UPP2: variants seen among roughly 807,000 people sequenced by gnomAD.
The protein encoded by UPP2 is uridine phosphorylase 2.
Under a neutral mutation model 26.7 loss-of-function variants are expected in UPP2, and 23 were observed. The observed-to-expected ratio is 0.86, with a 90% CI of 0.62 to 1.22. The LOEUF (loss-of-function observed/expected upper bound fraction) is 1.22. Among genes scored for constraint, UPP2 ranks in the 50% most tolerant of loss-of-function variants. The pLI, the probability that UPP2 is intolerant of heterozygous loss-of-function variation, is 0.00. For synonymous variants in UPP2, 127 were observed against 141.3 expected, an observed-to-expected ratio of 0.90 and a Z score of 0.72; for missense variants, 387 against 396.7, an observed-to-expected ratio of 0.98 and a Z score of 0.21.
At chr2:158,042,487 C>G (rs773500724) in intron 3 of UPP2, among the ~76,000 whole-genome samples, 6 of 152,122 alleles carry the variant, frequency 3.9e-5, no homozygotes, top group African/African-American at 1.4e-4. Context: ...GGGTTGAGAA[C>G]AAACAGGATT....
At chr2:158,029,316 T>G (rs1324248090) in intron 3 of UPP2, among the ~76,000 whole-genome samples, 1 of 152,238 alleles carries the variant, frequency 6.6e-6, no homozygotes, top group African/African-American at 2.4e-5. Context: ...TTTAAAAAAA[T>G]GTTTTCTTTG....
At position 158,025,162 on chromosome 2, in the gene UPP2, T is replaced by G. The variant is rs550028784; in HGVS notation, c.147+9276T>G. 9.3e-5 allele frequency among the ~76,000 whole-genome samples: 14 copies of G among 150,394 alleles called. No homozygotes were observed. In the South Asian group the frequency reaches 2.1e-3, roughly 23 times the overall value. ...GGCTGCAGTGAGCTGAGATCGTGCC[T>G]TTGCACTCCAGCCTGGGTGACAGAG... On this transcript the variant is annotated intron_variant, in intron 3 of 9. Transcript: ENST00000605860.
chr2:158,101,236 G>C (rs1327753371), upstream of UPP2, among the ~76,000 whole-genome samples: 1 of 152,204 alleles, frequency 6.6e-6, no homozygotes, highest in Non-Finnish European at 1.5e-5. Flanking sequence ...AAAGTGAAAA[G>C]TGAGAAGCAT....
intron 3 of UPP2, among the ~76,000 whole-genome samples, chr2:158,039,128 G>C (rs991094271): frequency 2.0e-5 from 3 of 152,222 alleles, no homozygotes; most frequent in African/African-American, 7.2e-5. Flanking sequence ...CGTGACGTAA[G>C]CCATAGTTGC....
chr2:158,038,482 G>A (rs1174933577), intron 3 of UPP2, among the ~76,000 whole-genome samples: 2 of 152,204 alleles, frequency 1.3e-5, no homozygotes, highest in Admixed American at 6.5e-5. Context: ...ATTTTTCACT[G>A]GGCAGATGCT....
chr2:158,021,995 C>T (rs570485911), intron 3 of UPP2, among the ~76,000 whole-genome samples: 1 of 151,414 alleles, frequency 6.6e-6, no homozygotes, highest in East Asian at 1.9e-4. Flanking sequence ...AAATGGATCC[C>T]CACATTCCAA....
Position 158,046,164 on chromosome 2 carries a change from G to A in UPP2, c.147+30278G>A, listed in dbSNP as rs1038512102. On this transcript the variant is annotated intron_variant, in intron 3 of 9. Coordinates refer to the UPP2 transcript ENST00000605860. ...GGTTTGTTCCTTTTGTTATCCAGTG[G>A]GTAGGGCTCATTAACAAGATTAAGG... 2.0e-5 allele frequency among the ~76,000 whole-genome samples: 3 copies of A among 152,146 alleles called. No homozygotes were observed. The East Asian group carries it at 5.8e-4, about 29-fold the overall frequency.
chr2:158,047,992 G>A (rs948016742), intron 3 of UPP2, among the ~76,000 whole-genome samples: 2 of 152,148 alleles, frequency 1.3e-5, no homozygotes, highest in Admixed American at 6.5e-5. Context: ...GCAGTCCTGA[G>A]CAGAGAGTTC....
chr2:158,082,779 A>G (rs529213785), intron 3 of UPP2, among the ~76,000 whole-genome samples: 1 of 151,674 alleles, frequency 6.6e-6, no homozygotes, highest in African/African-American at 2.4e-5. Context: ...GGCAACCTAC[A>G]GAGTGGGAGA....
intron 1 of UPP2, among the ~76,000 whole-genome samples, chr2:158,103,167 G>A (rs189670675): frequency 6.6e-6 from 1 of 152,156 alleles, no homozygotes; most frequent in East Asian, 1.9e-4. Context: ...TTTTTCTTTG[G>A]TACTGATAAA....
intron 3 of UPP2, among the ~76,000 whole-genome samples, chr2:158,025,608 G>A (rs2105152135): frequency 6.6e-6 from 1 of 152,380 alleles, no homozygotes; most frequent in South Asian, 2.1e-4. Flanking sequence ...GCAGCCAGTA[G>A]TTGGGGTTTA....
At chr2:158,065,644 C>A in intron 3 of UPP2, 4 of 572,378 alleles carry the variant, frequency 7.0e-6, no homozygotes, top group South Asian at 4.8e-5. Flanking sequence ...TAAACAAATT[C>A]GTAGAGGAAC....
rs571320813 is a variant in UPP2, at chr2:158,121,286, T to C, written c.455-123T>C. 6 of 854,952 alleles carry C rather than the reference T, an allele frequency of 7.0e-6. No individual in the cohort carries two copies. The East Asian group carries it at 1.5e-4, about 21-fold the overall frequency. The allele number at this position is 854,952 out of a possible 1,614,324, so 53.0% of individuals were successfully genotyped here. A position where few individuals can be genotyped will look rare whatever the true frequency, so the allele number is the denominator to read the frequency against. On this transcript the variant is annotated intron_variant, in intron 4 of 6. Coordinates refer to ENST00000005756, the MANE Select transcript of UPP2 (RefSeq NM_173355.4). The stretch of plus-strand genomic sequence containing the variant: ...ATTGCATTTGGAAAAGAAAATAATT[T>C]TAAAGTTGAAAACAGGGAGACTCAT...
intron 2 of UPP2, among the ~76,000 whole-genome samples, chr2:157,997,135 G>C (rs566310182): frequency 1.3e-5 from 2 of 152,266 alleles, no homozygotes; most frequent in South Asian, 4.1e-4. Flanking sequence ...TAACATCAGG[G>C]AACTGCTTGT....
chr2:158,105,119 G>A (rs1285469507), intron 1 of UPP2, among the ~76,000 whole-genome samples: 1 of 151,624 alleles, frequency 6.6e-6, no homozygotes, highest in Non-Finnish European at 1.5e-5. Context: ...AAGACGTCTT[G>A]ACCCACTGTG....
chr2:158,067,501 G>C (rs1463028651), intron 3 of UPP2, among the ~76,000 whole-genome samples: 1 of 152,096 alleles, frequency 6.6e-6, no homozygotes, highest in Non-Finnish European at 1.5e-5. Flanking sequence ...TGTGGGGAGA[G>C]GGAGAAGCAA....
chr2:158,035,811 T>C (rs1683991918), intron 3 of UPP2, among the ~76,000 whole-genome samples: 1 of 152,262 alleles, frequency 6.6e-6, no homozygotes, highest in Non-Finnish European at 1.5e-5. Flanking sequence ...TTATTTTACA[T>C]TGTAAGCAGT....
chr2:158,059,245 G>A (rs1018608423), intron 3 of UPP2, among the ~76,000 whole-genome samples: 6 of 152,180 alleles, frequency 3.9e-5, no homozygotes, highest in Non-Finnish European at 4.4e-5. Flanking sequence ...TGGAATCTCC[G>A]AACTTACAGA....
At chr2:158,053,468 T>C (rs1302001886) in intron 3 of UPP2, among the ~76,000 whole-genome samples, 2 of 152,160 alleles carry the variant, frequency 1.3e-5, no homozygotes, top group Non-Finnish European at 2.9e-5. Flanking sequence ...CTGACTCCAA[T>C]GTCTGAATGC....
Sources: gnomAD v4.1 joint callset for allele counts (sites outside exome capture counted in the v4.1 genomes callset) on GRCh38, gnomAD v4.1.1 for gene constraint, MANE v1.5 for transcripts, NCBI Gene and HGNC (gene_info 2026-07-23, HGNC 2026-07-21) for gene names.